EVC: variants seen among roughly 807,000 people sequenced by gnomAD.
The protein encoded by EVC is EvC ciliary complex subunit 1.
A neutral mutation model predicts 118.9 loss-of-function variants in EVC; 116 were observed. That is an observed-to-expected ratio of 0.98 (90% CI 0.84 to 1.14). EVC has a LOEUF of 1.14. EVC is among the 50% of genes most tolerant of loss of function. The pLI, the probability that EVC is intolerant of heterozygous loss-of-function variation, is 0.00. For synonymous variants in EVC, 619 were observed against 534.7 expected, an observed-to-expected ratio of 1.16 and a Z score of -2.18; for missense variants, 1,401 against 1,246.4, an observed-to-expected ratio of 1.12 and a Z score of -1.87.
rs747116069 is a variant in EVC at position 5,811,073 on chromosome 4, T to C, written c.*36T>C. 21 of 1,550,056 alleles carry C rather than the reference T, an allele frequency of 1.4e-5. No individual in the cohort carries two copies. Among genetic ancestry groups the C allele is most frequent in the Admixed American group, 1.2e-4 (7 of 57,008 alleles). ...GTCGGTGGGACAAGACCTGAAGCCC[T>C]GGGTCTGGGTGTGAATTCCACCTTC... On this transcript the variant is annotated 3_prime_UTR_variant, in exon 21 of 21. Coordinates refer to ENST00000264956, the MANE Select transcript of EVC (RefSeq NM_153717.3).
In EVC at chr4:5,798,292, C is replaced by T. The variant is rs112863125; in HGVS notation, c.2098-294C>T. Among the ~76,000 whole-genome samples the T allele has an allele frequency of 0.013, 1,991 of 152,260 alleles. 47 individuals are homozygous for T. The highest frequency in any genetic ancestry group is 0.044 in the African/African-American group (1,849 of 41,552). On this transcript the variant is annotated intron_variant, in intron 14 of 20. Transcript: ENST00000264956. The surrounding 1 kb of genome is among the most constrained non-coding windows in gnomAD (Gnocchi z 4.1). The stretch of plus-strand genomic sequence containing the variant: ...CTCCTCAGTGCTAGTGTTCAGGTCT[C>T]ATGATGTTCTAGAAGGATGAGCAAG...
At chr4:5,776,242 T>G (rs760974756) in intron 11 of EVC, among the ~76,000 whole-genome samples, 4 of 152,280 alleles carry the variant, frequency 2.6e-5, no homozygotes, top group Admixed American at 6.5e-5. Context: ...ATTTTTCCAG[T>G]GAATTAAACC....
In EVC at chr4:5,745,286, C is replaced by A. The variant is rs754532508; in HGVS notation, c.884C>A (p.Thr295Asn). ...GGGGCTGGTGACTCTGAGTACATCA[C>A]CCTGGCTGATGTGGAAAAGAAGGAG... ...MSGAGDSEYI[T>N]LADVEKKERE... is the part of the protein sequence containing the mutation. Residue 295 changes from threonine to asparagine, a missense_variant, in exon 7 of 21, where the codon ACC becomes AAC. Transcript: ENST00000264956. The A allele has an allele frequency of 6.2e-7, 1 of 1,613,740 alleles. No individual in the cohort carries two copies. The highest frequency in any genetic ancestry group is 8.5e-7 in the Non-Finnish European group (1 of 1,179,728).
At chr4:5,816,668 C>T (rs577769634), downstream of EVC, among the ~76,000 whole-genome samples, 10 of 140,916 alleles carry the variant, frequency 7.1e-5, no homozygotes, top group Non-Finnish European at 1.4e-4. Flanking sequence ...TCCTTCCCCT[C>T]TCTCCCTTCC....
intron 12 of EVC, 62 bp downstream of exon 12, chr4:5,783,826 G>T (rs532767145): frequency 2.0e-6 from 3 of 1,473,270 alleles, no homozygotes; most frequent in Non-Finnish European, 2.8e-6. Context: ...GAAGAAGCGT[G>T]AGAGATCTCA....
At position 5,794,908 on chromosome 4, in the gene EVC, C is replaced by T. The variant is rs375827475; in HGVS notation, c.1886+1191C>T. On this transcript the variant is annotated intron_variant, in intron 13 of 20. Transcript: ENST00000264956. The stretch of plus-strand genomic sequence containing the variant: ...AACACTTGGCCCCCTCTTGTAGACC[C>T]CAGGGTCTATTGTTCCCATCCTTAT... Among the ~76,000 whole-genome samples, 3 of 152,246 alleles carry T rather than the reference C, an allele frequency of 2.0e-5. No individual in the cohort carries two copies. In the East Asian group the frequency reaches 5.8e-4, roughly 29 times the overall value.
intron 11 of EVC, among the ~76,000 whole-genome samples, chr4:5,766,810 T>C (rs201601189): frequency 0.4 from 54,272 of 136,620 alleles, 10,976 homozygotes; most frequent in East Asian, 0.46. Flanking sequence ...TTCATCTAAA[T>C]TTTTTTCAAA....
intron 17 of EVC, among the ~76,000 whole-genome samples, chr4:5,807,864 G>A (rs562419308): frequency 1.3e-5 from 2 of 152,358 alleles, no homozygotes; most frequent in African/African-American, 2.4e-5. Context: ...CTTCACAGAC[G>A]TGTGTCCTGA....
Position 5,731,977 on chromosome 4 carries a change from G to T in EVC, c.617+320G>T, listed in dbSNP as rs1726899669. Among the ~76,000 whole-genome samples, 1 of 141,818 alleles carries T rather than the reference G, an allele frequency of 7.1e-6. No homozygotes were observed. The allele number at this position is 141,818 out of a possible 152,430, so 93.0% of individuals were successfully genotyped here. ...TTCTGAGTACCGGGCAGAGTGCTAA[G>T]CACTTTACAGGGATTGATGATCTCA... On this transcript the variant is annotated intron_variant, in intron 4 of 20. Transcript: ENST00000264956. The surrounding 1 kb of genome is among the most constrained non-coding windows in gnomAD (Gnocchi z 5.6).
chr4:5,767,561 G>T (rs915218148), intron 11 of EVC, among the ~76,000 whole-genome samples: 4 of 151,152 alleles, frequency 2.6e-5, no homozygotes, highest in Admixed American at 6.6e-5. Flanking sequence ...GACTCCTTGG[G>T]CATAGGACCC....
chr4:5,759,381 G>A (rs1199890139), intron 11 of EVC, among the ~76,000 whole-genome samples: 1 of 152,128 alleles, frequency 6.6e-6, no homozygotes, highest in Admixed American at 6.5e-5. Context: ...CCTGCCTTAC[G>A]TGTGGGCTGT....
At chr4:5,819,521 G>A in the EVC span, among the ~76,000 whole-genome samples, 10 of 152,306 alleles carry the variant, frequency 6.6e-5, no homozygotes, top group Admixed American at 3.9e-4. Flanking sequence ...CCCAAAGTTC[G>A]ACATGGGCTC....
intron 1 of EVC, 65 bp downstream of exon 1, chr4:5,711,619 G>A (rs1723038837): frequency 1.8e-6 from 2 of 1,117,274 alleles, no homozygotes; most frequent in Admixed American, 4.9e-5. Context: ...TGGGTCCTGC[G>A]GGCCCGGAGC....
chr4:5,792,115 A>G (rs74284745), intron 12 of EVC, among the ~76,000 whole-genome samples: 9 of 151,968 alleles, frequency 5.9e-5, no homozygotes, highest in African/African-American at 1.7e-4. Context: ...AGAGAAAAAC[A>G]TTGGGAAGAA....
chr4:5,767,621 C>G (rs528053856), intron 11 of EVC, among the ~76,000 whole-genome samples: 1 of 151,786 alleles, frequency 6.6e-6, no homozygotes, highest in Admixed American at 6.6e-5. Context: ...TTTTTAAGCC[C>G]GTCGGAAAAG....
At position 5,729,175 on chromosome 4, in the gene EVC, T is replaced by A. The variant is rs1726376402; in HGVS notation, c.301-132T>A. 5.0e-6 allele frequency: 4 copies of A among 803,926 alleles called. No individual in the cohort carries two copies. The African/African-American group carries it at 5.1e-5, about 10-fold the overall frequency. The allele number at this position is 803,926 out of a possible 1,614,324, so 49.8% of individuals were successfully genotyped here. A position where few individuals can be genotyped will look rare whatever the true frequency, so the allele number is the denominator to read the frequency against. ...TCTGGCAAGGAAGAGCTAATATGAA[T>A]CTAAATGTGCCTATCATGGTCCCTT... On this transcript the variant is annotated intron_variant, in intron 2 of 20. Coordinates refer to ENST00000264956, the MANE Select transcript of EVC (RefSeq NM_153717.3).
chr4:5,711,490 C>A lies in EVC; in HGVS notation c.110C>A (p.Ala37Glu). The A allele has an allele frequency of 8.9e-7, 1 of 1,120,708 alleles. No homozygotes were observed. Among genetic ancestry groups the A allele is most frequent in the Non-Finnish European group, 1.1e-6 (1 of 918,640 alleles). The allele number at this position is 1,120,708 out of a possible 1,614,324, so 69.4% of individuals were successfully genotyped here. A position where few individuals can be genotyped will look rare whatever the true frequency, so the allele number is the denominator to read the frequency against. Reference protein sequence around the residue: ...LLAPAVLLGAALGLGLGLWLG... With the variant: ...LLAPAVLLGAELGLGLGLWLG... Reference sequence around the variant, plus strand: ...GCCCCCGCCGTGCTGCTGGGCGCCGCGCTCGGCCTCGGCCTCGGCCTTTGG... The same window carrying A: ...GCCCCCGCCGTGCTGCTGGGCGCCGAGCTCGGCCTCGGCCTCGGCCTTTGG... The change falls in exon 1 of 21, where the codon GCG (alanine) becomes GAG (glutamate). Residue 37 changes from alanine (A) to glutamate (E), a missense_variant. Ala to Glu is a moderately radical substitution (Grantham distance 107). Transcript: ENST00000264956.
the EVC span, chr4:5,821,948 C>G: frequency 1.1e-6 from 1 of 945,914 alleles, no homozygotes; most frequent in Non-Finnish European, 1.5e-6. The surrounding 1 kb of genome is among the most constrained non-coding windows in gnomAD (Gnocchi z 4.4). Flanking sequence ...CTCCACTGGA[C>G]CCACCTTCAT....
rs73075599 is a variant in EVC at position 5,788,013 on chromosome 4, A to G, written c.1776+4249A>G. 9.3e-4 allele frequency among the ~76,000 whole-genome samples: 142 copies of G among 152,046 alleles called. 1 individual carries two copies. Among genetic ancestry groups the G allele is most frequent in the African/African-American group, 3.3e-3 (137 of 41,454 alleles). ...CCCAGCTCACTTCTTTCTCCTTCTC[A>G]GTCTCCTTTGCTGGCCCCTTCCCAG... On this transcript the variant is annotated intron_variant, in intron 12 of 20. Coordinates refer to ENST00000264956, the MANE Select transcript of EVC (RefSeq NM_153717.3).
Sources: gnomAD v4.1 joint callset for allele counts (sites outside exome capture counted in the v4.1 genomes callset) on GRCh38, gnomAD v4.1.1 for gene constraint, Gnocchi (gnomAD v3.1) non-coding constraint, MANE v1.5 for transcripts, NCBI Gene and HGNC (gene_info 2026-07-23, HGNC 2026-07-21) for gene names.